KDM2A: variants seen among roughly 807,000 people sequenced by gnomAD.
KDM2A encodes the protein lysine demethylase 2A.
In KDM2A, 3 loss-of-function variants were observed where a neutral mutation model predicts 137.3. The observed-to-expected ratio is 0.02, with a 90% CI of 0.01 to 0.06. The LOEUF is 0.06. Ranked by LOEUF, KDM2A falls within the 10% of genes least tolerant of loss-of-function variation. KDM2A has a pLI of 1.00. For missense variants in KDM2A, 738 were observed against 1,510.6 expected, an observed-to-expected ratio of 0.49 and a Z score of 8.48; for synonymous variants, 512 against 541.5, an observed-to-expected ratio of 0.95 and a Z score of 0.76.
intron 2 of KDM2A, among the ~76,000 whole-genome samples, chr11:67,125,432 T>C (rs1855698085): frequency 6.6e-6 from 1 of 151,846 alleles, no homozygotes; most frequent in African/African-American, 2.4e-5. Flanking sequence ...CTGCCCGCCT[T>C]GGCCTCCCAA....
rs1859548942 is a variant in KDM2A, at chr11:67,254,803, CT to C, written c.3308-70del. On this transcript the variant is annotated intron_variant, in intron 20 of 20. Coordinates refer to ENST00000529006, the MANE Select transcript of KDM2A (RefSeq NM_012308.3). The surrounding 1 kb of genome is among the most constrained non-coding windows in gnomAD (Gnocchi z 4.7). Reference sequence around the variant, plus strand: ...GTTTAGCATTTTGAAGGAAAGACGGCTACAGGAATTGAATGGCAGAGGAAAG... The same window carrying C: ...GTTTAGCATTTTGAAGGAAAGACGGCACAGGAATTGAATGGCAGAGGAAAG... 11 of 1,389,616 alleles carry C rather than the reference CT, an allele frequency of 7.9e-6. No individual in the cohort carries two copies. Among genetic ancestry groups the C allele is most frequent in the Middle Eastern group, 1.8e-4 (1 of 5,592 alleles). The allele number at this position is 1,389,616 out of a possible 1,614,324, so 86.1% of individuals were successfully genotyped here.
At chr11:67,210,107 C>T (rs552041771) in intron 6 of KDM2A, among the ~76,000 whole-genome samples, 1 of 152,140 alleles carries the variant, frequency 6.6e-6, no homozygotes, top group Admixed American at 6.6e-5. Context: ...TGGCTCATGC[C>T]TGTAATCCTA....
intron 2 of KDM2A, among the ~76,000 whole-genome samples, chr11:67,142,147 T>C (rs1856119408): frequency 6.6e-6 from 1 of 151,782 alleles, no homozygotes; most frequent in Admixed American, 6.6e-5. Context: ...CAAATGATTC[T>C]CCTGGCTCAG....
intron 12 of KDM2A, among the ~76,000 whole-genome samples, chr11:67,241,951 C>A (rs1859056039): frequency 6.6e-6 from 1 of 152,074 alleles, no homozygotes; most frequent in Non-Finnish European, 1.5e-5. Context: ...TGCCTGTAAT[C>A]CCAGCTACTC....
chr11:67,181,460 A>G (rs1029403546), intron 4 of KDM2A, 62 bp downstream of exon 4: 3 of 1,089,900 alleles, frequency 2.8e-6, no homozygotes, highest in Admixed American at 3.9e-5. Context: ...CCAGGGCAAT[A>G]AACAGTGGTG....
At chr11:67,120,847 G>C (rs1038013540) in intron 1 of KDM2A, among the ~76,000 whole-genome samples, 5 of 151,756 alleles carry the variant, frequency 3.3e-5, no homozygotes, top group African/African-American at 1.2e-4. Context: ...GAACTAATTT[G>C]GTTAGGATCT....
chr11:67,135,625 A>G (rs1855955877), intron 2 of KDM2A, among the ~76,000 whole-genome samples: 1 of 152,210 alleles, frequency 6.6e-6, no homozygotes, highest in Admixed American at 6.5e-5. Context: ...TGACCTCAAG[A>G]TAATATATAT....
chr11:67,195,913 T>G (rs1386812799), intron 5 of KDM2A: 1 of 396,760 alleles, frequency 2.5e-6, no homozygotes, highest in African/African-American at 2.0e-5. Context: ...TAAGGAATAA[T>G]TTTTCTACCA....
intron 9 of KDM2A, among the ~76,000 whole-genome samples, chr11:67,218,751 C>T (rs1183319490): frequency 6.6e-6 from 1 of 152,114 alleles, no homozygotes; most frequent in Non-Finnish European, 1.5e-5. Context: ...GCTGGGATTA[C>T]AGGTGTGCAC....
At chr11:67,120,853 G>T (rs1855583195) in intron 1 of KDM2A, among the ~76,000 whole-genome samples, 1 of 151,728 alleles carries the variant, frequency 6.6e-6, no homozygotes, top group Admixed American at 6.6e-5. Context: ...ATTTGGTTAG[G>T]ATCTGGATTA....
intron 5 of KDM2A, among the ~76,000 whole-genome samples, chr11:67,183,567 A>G (rs1034112978): frequency 3.3e-5 from 5 of 152,206 alleles, no homozygotes; most frequent in Admixed American, 2.6e-4. Context: ...AAGGCTTGCA[A>G]ATTTCAGGGA....
intron 2 of KDM2A, among the ~76,000 whole-genome samples, chr11:67,130,326 G>C (rs973444984): frequency 6.6e-6 from 1 of 152,042 alleles, no homozygotes; most frequent in Non-Finnish European, 1.5e-5. Flanking sequence ...TATTGTTTTA[G>C]TAGAGACAGG....
At chr11:67,192,114 T>C (rs892348301) in intron 5 of KDM2A, among the ~76,000 whole-genome samples, 1 of 152,178 alleles carries the variant, frequency 6.6e-6, no homozygotes, top group Non-Finnish European at 1.5e-5. Flanking sequence ...CCTTTTGCCA[T>C]ATTTACTTCA....
intron 5 of KDM2A, among the ~76,000 whole-genome samples, chr11:67,202,037 A>G (rs942644950): frequency 6.6e-6 from 1 of 152,140 alleles, no homozygotes; most frequent in Non-Finnish European, 1.5e-5. Context: ...GAGTTTGGAA[A>G]AAGTTGGTTC....
chr11:67,256,676 A>G lies in KDM2A; in HGVS notation c.*1621A>G, dbSNP rs1477523314. ...AAAGTGTGAGCCACTGAGAAGAGAG[A>G]CGCCAACTGCACCCTTGCCACTTCC... On this transcript the variant is annotated 3_prime_UTR_variant, in exon 21 of 21. Coordinates refer to ENST00000529006, the MANE Select transcript of KDM2A (RefSeq NM_012308.3). 6.6e-6 allele frequency: 1 copy of G among 152,654 alleles called. No homozygotes were observed. The highest frequency in any genetic ancestry group is 1.5e-5 in the Non-Finnish European group (1 of 68,094). 9.5% of individuals were successfully genotyped at this position (152,654 alleles called of 1,614,324 possible).
At chr11:67,203,114 A>G (rs962488726) in intron 5 of KDM2A, among the ~76,000 whole-genome samples, 2 of 152,128 alleles carry the variant, frequency 1.3e-5, no homozygotes, top group African/African-American at 4.8e-5. Context: ...AGCAGCCCTC[A>G]ACAATGAGGC....
At chr11:67,166,432 C>T (rs1216891690) in intron 2 of KDM2A, among the ~76,000 whole-genome samples, 12 of 152,158 alleles carry the variant, frequency 7.9e-5, no homozygotes, top group Admixed American at 5.2e-4. Flanking sequence ...GTGATCCGCC[C>T]GCCTTGGCCT....
chr11:67,151,323 G>A (rs1445108235), intron 2 of KDM2A, among the ~76,000 whole-genome samples: 2 of 151,768 alleles, frequency 1.3e-5, no homozygotes, highest in Non-Finnish European at 2.9e-5. Context: ...TAAGATGTTG[G>A]TGTAAACTAT....
intron 12 of KDM2A, among the ~76,000 whole-genome samples, chr11:67,241,885 A>AT (rs1859053415): frequency 6.6e-6 from 1 of 152,134 alleles, no homozygotes; most frequent in East Asian, 1.9e-4. Flanking sequence ...CCTGGCCAAC[A>AT]TGGTGAAACT....
Sources: allele counts gnomAD v4.1 joint callset (sites outside exome capture counted in the v4.1 genomes callset), GRCh38; gene constraint gnomAD v4.1.1; non-coding constraint Gnocchi (gnomAD v3.1); transcripts MANE v1.5; gene names NCBI Gene and HGNC (gene_info 2026-07-23, HGNC 2026-07-21).